NAALADL2: variants seen among roughly 807,000 people sequenced by gnomAD.
The protein encoded by NAALADL2 is N-acetylated alpha-linked acidic dipeptidase like 2.
Under a neutral mutation model 87.2 loss-of-function variants are expected in NAALADL2, and 76 were observed. The ratio of observed to expected loss-of-function variants is 0.87; its 90% CI spans 0.72 to 1.05. NAALADL2 has a LOEUF of 1.05. Among genes scored for constraint, NAALADL2 ranks in the 50% least tolerant of loss-of-function variants. The probability of loss-of-function intolerance (pLI) is 0.00; values close to 1 mark genes in which losing one functional copy is unlikely to be tolerated. For missense variants in NAALADL2, 1,089 were observed against 945.8 expected (o/e 1.15, Z -1.99); for synonymous variants, 354 against 331.0 (o/e 1.07, Z -0.75).
chr3:175,396,875 A>T (rs748201385), intron 5 of NAALADL2, among the ~76,000 whole-genome samples: 3 of 152,016 alleles, frequency 2.0e-5, no homozygotes, highest in Admixed American at 2.0e-4. Context: ...CCCTTCTGCC[A>T]TTATTATAAG....
chr3:175,717,364 A>C (rs114784190), intron 11 of NAALADL2, among the ~76,000 whole-genome samples: 194 of 152,222 alleles, frequency 1.3e-3, no homozygotes, highest in Admixed American at 2.3e-3. Flanking sequence ...CCTTAGAACA[A>C]GTCACAAGAT....
At chr3:175,166,226 CCAATT>C (rs779929613) in intron 2 of NAALADL2, among the ~76,000 whole-genome samples, 30 of 152,066 alleles carry the variant, frequency 2.0e-4, no homozygotes, top group Non-Finnish European at 2.6e-4. Flanking sequence ...CCATCTTTTC[CCAATT>C]CAATTGCACA....
chr3:174,708,865 C>T (rs980863545), intron 2 of NAALADL2, among the ~76,000 whole-genome samples: 2 of 152,092 alleles, frequency 1.3e-5, no homozygotes, highest in African/African-American at 4.8e-5. Flanking sequence ...ATTAAATTTT[C>T]ATTCCAGTGG....
intron 2 of NAALADL2, among the ~76,000 whole-genome samples, chr3:174,558,865 T>C (rs1713206109): frequency 6.6e-6 from 1 of 152,164 alleles, no homozygotes; most frequent in Admixed American, 6.5e-5. Context: ...TTGTGACTTT[T>C]GGAGAATATG....
intron 7 of NAALADL2, among the ~76,000 whole-genome samples, chr3:175,466,290 G>A (rs1299086441): frequency 6.6e-6 from 1 of 152,130 alleles, no homozygotes; most frequent in Non-Finnish European, 1.5e-5. Flanking sequence ...CTCTCTGGGG[G>A]CATTTTCAGC....
chr3:175,273,808 G>A (rs1218114898), intron 4 of NAALADL2, among the ~76,000 whole-genome samples: 1 of 151,598 alleles, frequency 6.6e-6, no homozygotes. Flanking sequence ...ATAAATAGGT[G>A]GTTTTTATTA....
intron 2 of NAALADL2, among the ~76,000 whole-genome samples, chr3:175,168,470 A>G (rs1734306173): frequency 6.6e-6 from 1 of 151,860 alleles, no homozygotes; most frequent in Admixed American, 6.6e-5. Context: ...ACACTAAGGT[A>G]TAATATAGCA....
At chr3:175,766,799 G>A (rs1748750563) in intron 13 of NAALADL2, among the ~76,000 whole-genome samples, 1 of 152,134 alleles carries the variant, frequency 6.6e-6, no homozygotes, top group African/African-American at 2.4e-5. Context: ...CAATTGCTGT[G>A]TAAATCGTGT....
At chr3:175,603,249 A>T (rs969567157) in intron 10 of NAALADL2, among the ~76,000 whole-genome samples, 1 of 152,176 alleles carries the variant, frequency 6.6e-6, no homozygotes, top group Non-Finnish European at 1.5e-5. Flanking sequence ...AAATGCATTT[A>T]TTTAGAATAT....
chr3:174,565,944 T>C (rs1714206468), intron 2 of NAALADL2, among the ~76,000 whole-genome samples: 1 of 152,008 alleles, frequency 6.6e-6, no homozygotes, highest in South Asian at 2.1e-4. Flanking sequence ...TTGACTATTG[T>C]TATTTGTCTA....
At chr3:175,149,306 T>C (rs966996163) in intron 2 of NAALADL2, among the ~76,000 whole-genome samples, 3 of 152,202 alleles carry the variant, frequency 2.0e-5, no homozygotes, top group African/African-American at 7.2e-5. Flanking sequence ...ACTTTTAATT[T>C]ACTAAAATAA....
chr3:174,885,365 A>G (rs1729960045), intron 1 of NAALADL2, among the ~76,000 whole-genome samples: 1 of 152,170 alleles, frequency 6.6e-6, no homozygotes, highest in Non-Finnish European at 1.5e-5. Context: ...AGCCGGGAGA[A>G]GAATCGCTGA....
At chr3:175,603,059 T>C (rs539393823) in intron 10 of NAALADL2, among the ~76,000 whole-genome samples, 1 of 152,184 alleles carries the variant, frequency 6.6e-6, no homozygotes, top group African/African-American at 2.4e-5. Context: ...GAACATTCTT[T>C]TACATACTTC....
At chr3:174,744,072 A>G (rs1734016620) in intron 3 of NAALADL2, among the ~76,000 whole-genome samples, 1 of 151,892 alleles carries the variant, frequency 6.6e-6, no homozygotes, top group African/African-American at 2.4e-5. Flanking sequence ...CAGATAGATG[A>G]GTGTGGTAGG....
At chr3:174,978,822 C>T (rs1466813714) in intron 1 of NAALADL2, among the ~76,000 whole-genome samples, 1 of 151,818 alleles carries the variant, frequency 6.6e-6, no homozygotes, top group Non-Finnish European at 1.5e-5. Context: ...TAAGAAGAGC[C>T]CAAGAAATGA....
At chr3:174,794,980 G>GTTTTTT (rs1560232117) in intron 3 of NAALADL2, among the ~76,000 whole-genome samples, 3 of 75,042 alleles carry the variant, frequency 4.0e-5, no homozygotes, top group African/African-American at 4.5e-5. Flanking sequence ...TTCTAGTCCA[G>GTTTTTT]CTTTTTTTTT....
At chr3:175,336,191 G>C (rs1401575692) in intron 5 of NAALADL2, among the ~76,000 whole-genome samples, 2 of 151,876 alleles carry the variant, frequency 1.3e-5, no homozygotes, top group Admixed American at 6.6e-5. Flanking sequence ...ATTTACAAAA[G>C]TATCTGCAGT....
intron 2 of NAALADL2, chr3:175,218,006 G>T: frequency 2.6e-6 from 1 of 381,576 alleles, no homozygotes; most frequent in East Asian, 7.5e-5. Flanking sequence ...TGTCATTAAT[G>T]TATAGCCTGA....
At chr3:174,571,381 T>C (rs1473114363) in intron 2 of NAALADL2, among the ~76,000 whole-genome samples, 1 of 151,514 alleles carries the variant, frequency 6.6e-6, no homozygotes, top group Non-Finnish European at 1.5e-5. Context: ...ATGTAAATTC[T>C]TTTTTTTTCT....
Sources: gnomAD v4.1 joint callset for allele counts (sites outside exome capture counted in the v4.1 genomes callset) on GRCh38, gnomAD v4.1.1 for gene constraint, MANE v1.5 for transcripts, NCBI Gene and HGNC (gene_info 2026-07-23, HGNC 2026-07-21) for gene names.